NR6A1: variants seen among roughly 807,000 people sequenced by gnomAD.
NR6A1 encodes the protein nuclear receptor subfamily 6 group A member 1.
NR6A1 carries 7 observed loss-of-function variants against 59.1 expected under a neutral mutation model. That is an observed-to-expected ratio of 0.12 (90% CI 0.07 to 0.22). The LOEUF (loss-of-function observed/expected upper bound fraction) is 0.22. Ranked by LOEUF, NR6A1 falls within the 10% of genes least tolerant of loss-of-function variation. The pLI, the probability that NR6A1 is intolerant of heterozygous loss-of-function variation, is 1.00. For missense variants in NR6A1, 468 were observed against 611.6 expected, an observed-to-expected ratio of 0.77 and a Z score of 2.48; for synonymous variants, 243 against 236.1, an observed-to-expected ratio of 1.03 and a Z score of -0.27.
intron 2 of NR6A1, among the ~76,000 whole-genome samples, chr9:124,640,958 A>C (rs1836752722): frequency 6.6e-6 from 1 of 152,196 alleles, no homozygotes; most frequent in Non-Finnish European, 1.5e-5. Flanking sequence ...TAAAATAAGA[A>C]GTTAAGAAAC....
In NR6A1 at chr9:124,585,177, G is replaced by T. The variant is rs578162979; in HGVS notation, c.143-30607C>A. Reference sequence around the variant, plus strand: ...GGTTGAGAGAGGTGAGGAAGCTGCAGAAGAAAGGTTTGAAGCTAGCAGAGG... The same window carrying T: ...GGTTGAGAGAGGTGAGGAAGCTGCATAAGAAAGGTTTGAAGCTAGCAGAGG... On this transcript the variant is annotated intron_variant, in intron 2 of 9. Transcript: ENST00000487099. Among the ~76,000 whole-genome samples the T allele has an allele frequency of 1.1e-3, 175 of 152,320 alleles. 1 individual carries two copies. Among genetic ancestry groups the T allele is most frequent in the African/African-American group, 3.8e-3 (159 of 41,562 alleles).
intron 2 of NR6A1, among the ~76,000 whole-genome samples, chr9:124,726,165 G>T (rs1194354574): frequency 6.6e-6 from 1 of 152,006 alleles, no homozygotes; most frequent in Non-Finnish European, 1.5e-5. Flanking sequence ...TTTTTAGTTG[G>T]GGTCATGTCA....
intron 2 of NR6A1, among the ~76,000 whole-genome samples, chr9:124,683,578 G>A (rs992852973): frequency 1.3e-5 from 2 of 152,214 alleles, no homozygotes; most frequent in Non-Finnish European, 2.9e-5. Flanking sequence ...TGGATCACCT[G>A]AGGTCAGGAG....
intron 2 of NR6A1, among the ~76,000 whole-genome samples, chr9:124,726,263 C>T (rs1839714985): frequency 2.0e-5 from 3 of 152,106 alleles, no homozygotes; most frequent in Admixed American, 2.0e-4. Flanking sequence ...AAAAATGTCC[C>T]CTAAAATCCT....
intron 2 of NR6A1, among the ~76,000 whole-genome samples, chr9:124,608,473 C>T (rs1835638244): frequency 6.6e-6 from 1 of 152,120 alleles, no homozygotes; most frequent in African/African-American, 2.4e-5. Flanking sequence ...GGACATAATC[C>T]TATTCTTTTT....
At chr9:124,759,741 T>C (rs943759894) in intron 1 of NR6A1, among the ~76,000 whole-genome samples, 8 of 152,148 alleles carry the variant, frequency 5.3e-5, no homozygotes, top group Non-Finnish European at 8.8e-5. Context: ...GGCCAAAGGC[T>C]TATTAAAACC....
intron 2 of NR6A1, among the ~76,000 whole-genome samples, chr9:124,581,522 G>C (rs1200886050): frequency 2.6e-5 from 4 of 152,098 alleles, no homozygotes; most frequent in Non-Finnish European, 4.4e-5. Flanking sequence ...AACCCAGGAG[G>C]GGGAGGTTGC....
At chr9:124,679,089 C>A (rs901944247) in intron 2 of NR6A1, among the ~76,000 whole-genome samples, 3 of 152,186 alleles carry the variant, frequency 2.0e-5, no homozygotes, top group African/African-American at 4.8e-5. Flanking sequence ...AAAGAACTTA[C>A]AATTCTCTGT....
At chr9:124,631,679 CA>C (rs11323767) in intron 2 of NR6A1, among the ~76,000 whole-genome samples, 2,963 of 152,072 alleles carry the variant, frequency 0.019, 86 homozygotes, top group African/African-American at 0.067. Context: ...CTTTTAAGTT[CA>C]GGGGTACCTG....
intron 2 of NR6A1, among the ~76,000 whole-genome samples, chr9:124,559,341 T>C (rs904135895): frequency 3.3e-5 from 5 of 152,210 alleles, no homozygotes; most frequent in African/African-American, 9.6e-5. Context: ...TAGACAGTTA[T>C]AATGGTTCAA....
chr9:124,649,569 C>T (rs1476907663), intron 2 of NR6A1, among the ~76,000 whole-genome samples: 1 of 152,028 alleles, frequency 6.6e-6, no homozygotes, highest in Non-Finnish European at 1.5e-5. Context: ...AGTTAGACCT[C>T]AAAAGCACAG....
chr9:124,724,495 G>C, intron 2 of NR6A1, among the ~76,000 whole-genome samples: 1 of 150,074 alleles, frequency 6.7e-6, no homozygotes, highest in African/African-American at 2.4e-5. Context: ...ACTTTCCTTG[G>C]GATTATATCC....
At chr9:124,698,990 G>T (rs372933501) in intron 2 of NR6A1, among the ~76,000 whole-genome samples, 14 of 152,210 alleles carry the variant, frequency 9.2e-5, no homozygotes, top group Non-Finnish European at 2.1e-4. Context: ...AGAAGAAATC[G>T]CTTGAAATAC....
intron 2 of NR6A1, among the ~76,000 whole-genome samples, chr9:124,677,874 A>AC (rs1838010989): frequency 6.6e-6 from 1 of 152,206 alleles, no homozygotes; most frequent in African/African-American, 2.4e-5. Context: ...AAACAGAGAA[A>AC]GTCTATGTAA....
intron 2 of NR6A1, among the ~76,000 whole-genome samples, chr9:124,569,773 A>G (rs1192745711): frequency 1.3e-5 from 2 of 152,242 alleles, no homozygotes; most frequent in Non-Finnish European, 2.9e-5. Flanking sequence ...TAATAAAAAA[A>G]TCATCGCACT....
At chr9:124,769,950 A>T (rs909629536) in intron 1 of NR6A1, among the ~76,000 whole-genome samples, 1 of 152,238 alleles carries the variant, frequency 6.6e-6, no homozygotes, top group South Asian at 2.1e-4. Context: ...GAGGAGGAAA[A>T]TATCAAACAG....
intron 2 of NR6A1, among the ~76,000 whole-genome samples, chr9:124,726,530 A>T (rs1479570327): frequency 5.3e-5 from 8 of 152,226 alleles, no homozygotes; most frequent in Middle Eastern, 3.4e-3. Flanking sequence ...CACATTTCAG[A>T]TTTTCACTTT....
chr9:124,613,179 T>A (rs1430354285), intron 2 of NR6A1, among the ~76,000 whole-genome samples: 1 of 147,906 alleles, frequency 6.8e-6, no homozygotes. Flanking sequence ...CTACAAAAAA[T>A]TTAAAATTTA....
chr9:124,524,554 T>C (rs1179190540), intron 9 of NR6A1, among the ~76,000 whole-genome samples, 167 bp downstream of exon 9: 2 of 152,180 alleles, frequency 1.3e-5, no homozygotes, highest in Non-Finnish European at 2.9e-5. Flanking sequence ...CTATGGAGAA[T>C]GCAAGCTTCT....
Sources: gnomAD v4.1 joint callset for allele counts (sites outside exome capture counted in the v4.1 genomes callset) on GRCh38, gnomAD v4.1.1 for gene constraint, MANE v1.5 for transcripts, NCBI Gene and HGNC (gene_info 2026-07-23, HGNC 2026-07-21) for gene names.